Variants in COX6A2 observed in about 807,000 individuals in gnomAD.
COX6A2 encodes cytochrome c oxidase subunit 6A2, mitochondrial.
COX6A2 carries 5 observed loss-of-function variants against 7.2 expected under a neutral mutation model. The ratio of observed to expected loss-of-function variants is 0.69; its 90% CI spans 0.36 to 1.45. The LOEUF (loss-of-function observed/expected upper bound fraction) is 1.45. Among genes scored for constraint, COX6A2 ranks in the 40% most tolerant of loss-of-function variants. The probability of loss-of-function intolerance (pLI) is 0.03; values close to 1 mark genes in which losing one functional copy is unlikely to be tolerated. For synonymous variants in COX6A2, 63 were observed against 55.9 expected (o/e 1.13, Z -0.56); for missense variants, 174 against 137.7 (o/e 1.26, Z -1.32).
chr16:31,427,928 C>A, intron 2 of COX6A2, 71 bp from the exon 3 acceptor site: 2 of 332,790 alleles, frequency 6.0e-6, no homozygotes, highest in East Asian at 8.1e-5. Flanking sequence ...GCGCGACCCC[C>A]CCCCCGCAGC....
At position 31,427,806 on chromosome 16, in the gene COX6A2, T is replaced by C; in HGVS notation, c.262A>G (p.Asn88Asp). 1 of 1,414,206 alleles carries C rather than the reference T, an allele frequency of 7.1e-7. No homozygotes were observed. Among genetic ancestry groups the C allele is most frequent in the South Asian group, 1.8e-5 (1 of 56,746 alleles). 87.6% of individuals were successfully genotyped at this position (1,414,206 alleles called of 1,614,324 possible). A position where few individuals can be genotyped will look rare whatever the true frequency, so the allele number is the denominator to read the frequency against. ...TGTTCGTAGCCCGTGGGCAGAGGGT[T>C]CACGTGGCTATTGTGGAACAGAGTG... is the stretch of plus-strand genomic sequence containing the variant. ...NHTLFHNSHV[N>D]PLPTGYEHP Residue 88 changes from asparagine (N) to aspartate (D), a missense_variant, in exon 3 of 3, where the codon AAC becomes GAC. Physicochemically the swap from Asn to Asp is conservative, Grantham distance 23. Transcript: ENST00000287490.
intron 1 of COX6A2, 48 bp downstream of exon 1, chr16:31,428,205 A>C (rs960957773): frequency 6.5e-7 from 1 of 1,548,096 alleles, no homozygotes; most frequent in East Asian, 2.5e-5. Flanking sequence ...GCCTGTGAAC[A>C]GGTGGGCAGG....
At position 31,427,773 on chromosome 16, in the gene COX6A2, C is replaced by T. The variant is rs761385270; in HGVS notation, c.*1G>A. On this transcript the variant is annotated 3_prime_UTR_variant, in exon 3 of 3. Coordinates refer to ENST00000287490, the MANE Select transcript of COX6A2 (RefSeq NM_005205.4). ...TATTGTGTCCGGGGGCGTCCGGGGCCTCAGGGGTGTTCGTAGCCCGTGGGC... is the reference window on the plus strand; with the variant it reads ...TATTGTGTCCGGGGGCGTCCGGGGCTTCAGGGGTGTTCGTAGCCCGTGGGC... 3 of 1,415,082 alleles carry T rather than the reference C, an allele frequency of 2.1e-6. No homozygotes were observed. The highest frequency in any genetic ancestry group is 5.5e-5 in the East Asian group (2 of 36,382). 87.7% of individuals were successfully genotyped at this position (1,415,082 alleles called of 1,614,324 possible).
chr16:31,427,913 G>GGCCCCCC, intron 2 of COX6A2, 56 bp from the exon 3 acceptor site: 1 of 204,678 alleles, frequency 4.9e-6, no homozygotes, highest in Non-Finnish European at 6.0e-6. Flanking sequence ...CGGAGTCCGC[G>GGCCCCCC]CCCCGCGCGA....
At position 31,428,168 on chromosome 16, in the gene COX6A2, G is replaced by T. The variant is rs1597176953; in HGVS notation, c.74-17C>A. 1.9e-6 allele frequency: 3 copies of T among 1,567,534 alleles called. No homozygotes were observed. Among genetic ancestry groups the T allele is most frequent in the African/African-American group, 2.7e-5 (2 of 73,662 alleles). Reference sequence around the variant, plus strand: ...AGGTACGAGCTGCGGACGGAGCGGGGTGAGCGCGGCGGTCCTGGGGCGGCG... The same window carrying T: ...AGGTACGAGCTGCGGACGGAGCGGGTTGAGCGCGGCGGTCCTGGGGCGGCG... On this transcript the variant is annotated splice_polypyrimidine_tract_variant and intron_variant, in intron 1 of 2. Transcript: ENST00000287490.
In COX6A2 at chr16:31,427,769, G is replaced by C; in HGVS notation, c.*5C>G. The C allele has an allele frequency of 2.1e-6, 3 of 1,408,252 alleles. No individual in the cohort carries two copies. The highest frequency in any genetic ancestry group is 2.8e-6 in the Non-Finnish European group (3 of 1,077,308). 87.2% of individuals were successfully genotyped at this position (1,408,252 alleles called of 1,614,324 possible). A position where few individuals can be genotyped will look rare whatever the true frequency, so the allele number is the denominator to read the frequency against. On this transcript the variant is annotated 3_prime_UTR_variant, in exon 3 of 3. Transcript: ENST00000287490. Reference sequence around the variant, plus strand: ...CCTTTATTGTGTCCGGGGGCGTCCGGGGCCTCAGGGGTGTTCGTAGCCCGT... The same window carrying C: ...CCTTTATTGTGTCCGGGGGCGTCCGCGGCCTCAGGGGTGTTCGTAGCCCGT...
At position 31,427,844 on chromosome 16, in the gene COX6A2, C is replaced by T. The variant is rs772705831; in HGVS notation, c.224G>A (p.Gly75Glu). Residue 75 changes from glycine (G) to glutamate (E), a missense_variant, in exon 3 of 3, where the codon GGG (glycine) becomes GAG (glutamate). Transcript: ENST00000287490. The stretch of plus-strand genomic sequence containing the variant: ...GTGGAACAGAGTGTGGTTGCCGTCC[C>T]CCCAGGGGTAGGGCTGTGGAGAGAG... ...LRIRTKPYPW[G>E]DGNHTLFHNS... The T allele has an allele frequency of 2.6e-5, 37 of 1,405,240 alleles. No homozygotes were observed. Among genetic ancestry groups the T allele is most frequent in the Admixed American group, 5.9e-5 (2 of 33,822 alleles). The allele number at this position is 1,405,240 out of a possible 1,614,324, so 87.0% of individuals were successfully genotyped here.
In COX6A2 at chr16:31,427,838, C is replaced by T; in HGVS notation, c.230G>A (p.Gly77Asp). The change falls in exon 3 of 3, where the codon GGC (glycine) becomes GAC (aspartate). Residue 77 changes from glycine to aspartate, a missense_variant. Coordinates refer to ENST00000287490, the MANE Select transcript of COX6A2 (RefSeq NM_005205.4). ...IRTKPYPWGD[G>D]NHTLFHNSHV... ...GCTATTGTGGAACAGAGTGTGGTTG[C>T]CGTCCCCCCAGGGGTAGGGCTGTGG... 2.8e-6 allele frequency: 4 copies of T among 1,403,672 alleles called. No individual in the cohort carries two copies. The highest frequency in any genetic ancestry group is 3.0e-5 in the Admixed American group (1 of 33,766). The allele number at this position is 1,403,672 out of a possible 1,614,324, so 87.0% of individuals were successfully genotyped here. A position where few individuals can be genotyped will look rare whatever the true frequency, so the allele number is the denominator to read the frequency against.
Position 31,428,339 on chromosome 16 carries a change from G to C in COX6A2, c.-14C>G. 6.3e-7 allele frequency: 1 copy of C among 1,590,956 alleles called. No homozygotes were observed. The highest frequency in any genetic ancestry group is 8.6e-7 in the Non-Finnish European group (1 of 1,169,204). ...AGGCAAAGCCATGATGGTGCGGGGA[G>C]CCGGGAACCAGCGCTGTCCTCGCTC... On this transcript the variant is annotated 5_prime_UTR_variant, in exon 1 of 3. Transcript: ENST00000287490.
rs2082147052 is a variant in COX6A2, at chr16:31,427,841, T to TC, written c.226dup (p.Asp76GlyfsTer10). 2.9e-6 allele frequency: 4 copies of TC among 1,368,054 alleles called. No homozygotes were observed. Among genetic ancestry groups the TC allele is most frequent in the African/African-American group, 1.6e-5 (1 of 63,266 alleles). 84.7% of individuals were successfully genotyped at this position (1,368,054 alleles called of 1,614,324 possible). ...ATTGTGGAACAGAGTGTGGTTGCCG[T>TC]CCCCCCAGGGGTAGGGCTGTGGAGA... On this transcript the variant is annotated frameshift_variant, in exon 3 of 3. Coordinates refer to ENST00000287490, the MANE Select transcript of COX6A2 (RefSeq NM_005205.4). LOFTEE classifies it high-confidence loss of function.
Position 31,427,937 on chromosome 16 carries a change from GCACCCCCCCCCGCCCC to G in COX6A2, c.210+62_210+77del, listed in dbSNP as rs1567362294. 2.6e-4 allele frequency: 5 copies of G among 19,578 alleles called. No individual in the cohort carries two copies. The African/African-American group carries it at 8.0e-3, about 31-fold the overall frequency. 1.2% of individuals were successfully genotyped at this position (19,578 alleles called of 1,614,324 possible). A position where few individuals can be genotyped will look rare whatever the true frequency, so the allele number is the denominator to read the frequency against. Reference sequence around the variant, plus strand: ...CGCCCCGCGCGACCCCCCCCCCGCAGCACCCCCCCCCGCCCCCGCAGCACCCCCCCCCGCCCCCGCA... The same window carrying G: ...CGCCCCGCGCGACCCCCCCCCCGCAGCGCAGCACCCCCCCCCGCCCCCGCA... On this transcript the variant is annotated intron_variant, in intron 2 of 2. Transcript: ENST00000287490.
At position 31,428,078 on chromosome 16, in the gene COX6A2, G is replaced by C. The variant is rs2082152244; in HGVS notation, c.147C>G (p.Leu49=). The change falls in exon 2 of 3, where the codon CTC becomes CTG. Residue 49 remains leucine (L), a synonymous_variant. Transcript: ENST00000287490. ...SVALCTFNSY[L]HSGHRPRPEF... Reference sequence around the variant, plus strand: ...CGGGGCGCGGGCGGTGGCCCGAGTGGAGATAGGAGTTGAAGGTGCAGAGGG... The same window carrying C: ...CGGGGCGCGGGCGGTGGCCCGAGTGCAGATAGGAGTTGAAGGTGCAGAGGG... The C allele has an allele frequency of 6.4e-7, 1 of 1,554,460 alleles. No homozygotes were observed. The highest frequency in any genetic ancestry group is 1.2e-5 in the South Asian group (1 of 83,946).
intron 2 of COX6A2, 76 bp from the exon 3 acceptor site, chr16:31,427,933 C>CG (rs1555490118): frequency 2.6e-6 from 1 of 385,076 alleles, no homozygotes; most frequent in Non-Finnish European, 3.4e-6. Flanking sequence ...ACCCCCCCCC[C>CG]GCAGCACCCC....
chr16:31,427,874 G>T lies in COX6A2; in HGVS notation c.211-17C>A. ...GGGGTAGGGCTGTGGAGAGAGCGGG[G>T]GAGGGAGCGCGCGTGAGCGCCGTGA... On this transcript the variant is annotated splice_polypyrimidine_tract_variant and intron_variant, in intron 2 of 2. Transcript: ENST00000287490. 2 of 1,338,732 alleles carry T rather than the reference G, an allele frequency of 1.5e-6. No individual in the cohort carries two copies. The highest frequency in any genetic ancestry group is 1.5e-5 in the African/African-American group (1 of 65,242). The allele number at this position is 1,338,732 out of a possible 1,614,324, so 82.9% of individuals were successfully genotyped here.
rs1418269492 is a variant in COX6A2 at position 31,428,329 on chromosome 16, G to A, written c.-4C>T. On this transcript the variant is annotated 5_prime_UTR_variant, in exon 1 of 3. Transcript: ENST00000287490. ...GGGGCCTCAGAGGCAAAGCCATGAT[G>A]GTGCGGGGAGCCGGGAACCAGCGCT... 6.3e-7 allele frequency: 1 copy of A among 1,597,520 alleles called. No individual in the cohort carries two copies. The highest frequency in any genetic ancestry group is 2.3e-5 in the East Asian group (1 of 44,006).
chr16:31,427,941 C>CA (rs2082150070), intron 2 of COX6A2, 74 bp downstream of exon 2: 2 of 281,644 alleles, frequency 7.1e-6, no homozygotes, highest in Non-Finnish European at 4.9e-6. Flanking sequence ...CCCGCAGCAC[C>CA]CCCCCCCGCC....
In COX6A2 at chr16:31,428,107, C is replaced by G. The variant is rs1237971317; in HGVS notation, c.118G>C (p.Val40Leu). The change falls in exon 2 of 3, where the codon GTG (valine) becomes CTG (leucine). Residue 40 changes from valine to leucine, a missense_variant. Physicochemically the swap from Val to Leu is conservative, Grantham distance 32. Transcript: ENST00000287490. ...TAGGAGTTGAAGGTGCAGAGGGCCACGCTGGGCAGCGCCAGCACGAAGGTC... is the reference window on the plus strand; with the variant it reads ...TAGGAGTTGAAGGTGCAGAGGGCCAGGCTGGGCAGCGCCAGCACGAAGGTC... Reference protein sequence around the residue: ...LLTFVLALPSVALCTFNSYLH... With the variant: ...LLTFVLALPSLALCTFNSYLH... 2 of 1,566,198 alleles carry G rather than the reference C, an allele frequency of 1.3e-6. No individual in the cohort carries two copies. The highest frequency in any genetic ancestry group is 2.7e-5 in the African/African-American group (2 of 73,492).
At position 31,428,251 on chromosome 16, in the gene COX6A2, A is replaced by T; in HGVS notation, c.73+2T>A. 1 of 1,590,342 alleles carries T rather than the reference A, an allele frequency of 6.3e-7. No individual in the cohort carries two copies. Among genetic ancestry groups the T allele is most frequent in the Non-Finnish European group, 8.6e-7 (1 of 1,169,052 alleles). On this transcript the variant is annotated splice_donor_variant, in intron 1 of 2. Coordinates refer to ENST00000287490, the MANE Select transcript of COX6A2 (RefSeq NM_005205.4). LOFTEE classifies it high-confidence loss of function. Reference sequence around the variant, plus strand: ...CCCCGGATCCGCCCGTTCCCCACTCACCTCCTGCTCCTCCGTGGCCTCCTT... The same window carrying T: ...CCCCGGATCCGCCCGTTCCCCACTCTCCTCCTGCTCCTCCGTGGCCTCCTT...
Position 31,428,235 on chromosome 16 carries a change from C to A in COX6A2, c.73+18G>T. The A allele has an allele frequency of 6.4e-7, 1 of 1,567,768 alleles. No homozygotes were observed. The highest frequency in any genetic ancestry group is 2.4e-5 in the East Asian group (1 of 41,814). On this transcript the variant is annotated intron_variant, in intron 1 of 2. Transcript: ENST00000287490. The stretch of plus-strand genomic sequence containing the variant: ...GGCAGGGTAGGGGAGCCCCCGGATC[C>A]GCCCGTTCCCCACTCACCTCCTGCT...
Sources: gnomAD v4.1 joint callset for allele counts on GRCh38, gnomAD v4.1.1 for gene constraint, MANE v1.5 for transcripts, NCBI Gene and HGNC (gene_info 2026-07-23, HGNC 2026-07-21) for gene names.